CLPB: variants seen among roughly 807,000 people sequenced by gnomAD.
CLPB encodes the protein mitochondrial disaggregase.
In CLPB, 40 loss-of-function variants were observed where a neutral mutation model predicts 78.4. The observed-to-expected ratio is 0.51, with a 90% CI of 0.40 to 0.66. The LOEUF is 0.66. Ranked by LOEUF, CLPB falls within the 30% of genes least tolerant of loss-of-function variation. The pLI is 0.00. For synonymous variants in CLPB, 333 were observed against 348.0 expected, an observed-to-expected ratio of 0.96 and a Z score of 0.48; for missense variants, 780 against 886.9, an observed-to-expected ratio of 0.88 and a Z score of 1.53.
In CLPB at chr11:72,290,439, GAAAC is replaced by G. The variant is rs558343551; in HGVS notation, c.*2924_*2927del. 1.3e-4 allele frequency: 20 copies of G among 152,248 alleles called. 1 individual carries two copies. The highest frequency in any genetic ancestry group is 4.6e-4 in the African/African-American group (19 of 41,544). 9.4% of individuals were successfully genotyped at this position (152,248 alleles called of 1,614,324 possible). On this transcript the variant is annotated 3_prime_UTR_variant, in exon 16 of 16. Coordinates refer to ENST00000538039, the MANE Select transcript of CLPB (RefSeq NM_001258392.3). Reference sequence around the variant, plus strand: ...AATTAATAAATACAGGTAAAATAATGAAACAAAGTCACCATTAGGCAAGCATAAC... The same window carrying G: ...AATTAATAAATACAGGTAAAATAATGAAAGTCACCATTAGGCAAGCATAAC...
At chr11:72,400,856 G>A (rs963063280) in intron 3 of CLPB, among the ~76,000 whole-genome samples, 1 of 152,076 alleles carries the variant, frequency 6.6e-6, no homozygotes, top group Non-Finnish European at 1.5e-5. Flanking sequence ...CCTTTGCTTC[G>A]AGGGTATCCC....
rs1464583884 is a variant in CLPB at position 72,297,702 on chromosome 11, T to TGTGTGTGTGTGA, written c.1330-2055_1330-2054insTCACACACACAC. Among the ~76,000 whole-genome samples the TGTGTGTGTGTGA allele has an allele frequency of 9.1e-4, 118 of 129,742 alleles. 6 individuals are homozygous for TGTGTGTGTGTGA. The highest frequency in any genetic ancestry group is 1.2e-3 in the Non-Finnish European group (69 of 59,074). The allele number at this position is 129,742 out of a possible 152,430, so 85.1% of individuals were successfully genotyped here. ...GTGTGTGTGTGTGTGTGTGTGTGTG[T>TGTGTGTGTGTGA]GACATGTCCAAGCATGTGCATATGA... On this transcript the variant is annotated intron_variant, in intron 11 of 15. Transcript: ENST00000538039.
chr11:72,373,284 C>A (rs1951078544), intron 4 of CLPB, among the ~76,000 whole-genome samples: 1 of 152,200 alleles, frequency 6.6e-6, no homozygotes, highest in African/African-American at 2.4e-5. Flanking sequence ...AAAATGCTTG[C>A]TTGCATTTCT....
At chr11:72,313,636 A>G (rs910223878) in intron 7 of CLPB, among the ~76,000 whole-genome samples, 1 of 152,228 alleles carries the variant, frequency 6.6e-6, no homozygotes, top group Non-Finnish European at 1.5e-5. Context: ...CCCTGAATCC[A>G]GGAGGACTGA....
chr11:72,352,868 C>A (rs1169455239), intron 5 of CLPB: 1 of 152,228 alleles, frequency 6.6e-6, no homozygotes, highest in South Asian at 2.1e-4. Flanking sequence ...ATCCTAACTT[C>A]TTTATTTTAC....
intron 3 of CLPB, among the ~76,000 whole-genome samples, chr11:72,385,591 G>C (rs1855050396): frequency 6.6e-6 from 1 of 152,202 alleles, no homozygotes; most frequent in Non-Finnish European, 1.5e-5. Context: ...GGGAGGCCAA[G>C]ATAGCTGGAT....
At chr11:72,396,225 G>A (rs1855401967) in intron 3 of CLPB, among the ~76,000 whole-genome samples, 1 of 152,094 alleles carries the variant, frequency 6.6e-6, no homozygotes, top group South Asian at 2.1e-4. Context: ...GGCCAAGCAG[G>A]GAAGGCAGTG....
intron 9 of CLPB, 130 bp from the exon 10 acceptor site, chr11:72,302,478 C>T (rs1949676195): frequency 1.3e-6 from 1 of 786,440 alleles, no homozygotes; most frequent in South Asian, 1.4e-5. Context: ...CTATCTCACG[C>T]TCAAGATGTT....
chr11:72,334,805 G>A (rs960380872), intron 5 of CLPB, among the ~76,000 whole-genome samples: 1 of 152,212 alleles, frequency 6.6e-6, no homozygotes. Context: ...TGGGGCTGGG[G>A]CAAACACCTG....
At chr11:72,330,482 C>T (rs1297181481) in intron 5 of CLPB, among the ~76,000 whole-genome samples, 1 of 152,208 alleles carries the variant, frequency 6.6e-6, no homozygotes, top group African/African-American at 2.4e-5. Context: ...ATGTATCTAC[C>T]TTCTCTCTAA....
chr11:72,433,860 G>A (rs146642848), intron 1 of CLPB, among the ~76,000 whole-genome samples: 239 of 152,234 alleles, frequency 1.6e-3, no homozygotes, highest in African/African-American at 5.6e-3. Context: ...TGCCCAGAGA[G>A]GGGAAGCGGA....
chr11:72,424,653 T>C (rs1364188046), intron 2 of CLPB, among the ~76,000 whole-genome samples: 1 of 151,994 alleles, frequency 6.6e-6, no homozygotes, highest in Non-Finnish European at 1.5e-5. Flanking sequence ...CCCAGCACTT[T>C]GGGAGGCCGA....
At chr11:72,394,541 C>A (rs1855347105) in intron 3 of CLPB, among the ~76,000 whole-genome samples, 1 of 152,220 alleles carries the variant, frequency 6.6e-6, no homozygotes, top group Non-Finnish European at 1.5e-5. Context: ...TACCCTGAGA[C>A]TGTCACGTTA....
At chr11:72,334,992 G>A (rs1028691941) in intron 5 of CLPB, among the ~76,000 whole-genome samples, 1 of 152,254 alleles carries the variant, frequency 6.6e-6, no homozygotes, top group Non-Finnish European at 1.5e-5. Flanking sequence ...GTTTCTGTCA[G>A]TGGTATTGAA....
intron 7 of CLPB, among the ~76,000 whole-genome samples, chr11:72,316,286 T>C (rs1489934302): frequency 6.6e-6 from 1 of 152,180 alleles, no homozygotes; most frequent in Non-Finnish European, 1.5e-5. Flanking sequence ...TTTTAACAGG[T>C]TCCCAGAAGA....
rs760523849 is a variant in CLPB at position 72,434,299 on chromosome 11, G to A, written c.176C>T (p.Ser59Leu). Residue 59 changes from serine (S) to leucine (L), a missense_variant, in exon 1 of 16, where the codon TCG becomes TTG. Transcript: ENST00000538039. ...RVATGGRPGTSPALFSGRGAA... is the reference protein window; with the variant it reads ...RVATGGRPGTLPALFSGRGAA... ...CCCACGTCCGGAGAACAAGGCCGGC[G>A]ATGTTCCAGGGCGCCCCCCGGTGGC... 1 of 1,611,736 alleles carries A rather than the reference G, an allele frequency of 6.2e-7. No individual in the cohort carries two copies. The highest frequency in any genetic ancestry group is 8.5e-7 in the Non-Finnish European group (1 of 1,179,424).
At chr11:72,425,572 C>G (rs141935600) in intron 2 of CLPB, among the ~76,000 whole-genome samples, 1 of 152,196 alleles carries the variant, frequency 6.6e-6, no homozygotes, top group Admixed American at 6.5e-5. Flanking sequence ...TTTGTTGCCA[C>G]AAATTCAGCT....
chr11:72,377,320 G>A (rs370007846), intron 4 of CLPB, among the ~76,000 whole-genome samples: 112 of 152,232 alleles, frequency 7.4e-4, no homozygotes, highest in Admixed American at 2.8e-3. Flanking sequence ...AGAACATGAC[G>A]GCAGGGGATC....
chr11:72,350,617 G>A (rs1950597635), intron 5 of CLPB, among the ~76,000 whole-genome samples: 1 of 152,166 alleles, frequency 6.6e-6, no homozygotes, highest in Non-Finnish European at 1.5e-5. Context: ...AAAAAGGAAG[G>A]GAAGAGAGAG....
Sources: allele counts gnomAD v4.1 joint callset (sites outside exome capture counted in the v4.1 genomes callset), GRCh38; gene constraint gnomAD v4.1.1; transcripts MANE v1.5; gene names NCBI Gene and HGNC (gene_info 2026-07-23, HGNC 2026-07-21).